Variants in SYNPR observed in about 807,000 individuals in gnomAD.
SYNPR encodes the protein synaptoporin.
A neutral mutation model predicts 32.9 loss-of-function variants in SYNPR; 23 were observed. That is an observed-to-expected ratio of 0.70 (90% confidence interval 0.50 to 0.99). The LOEUF is 0.99. SYNPR is among the 50% of genes least tolerant of loss of function. The pLI is 0.00. For missense variants in SYNPR, 318 were observed against 349.3 expected, an observed-to-expected ratio of 0.91 and a Z score of 0.71; for synonymous variants, 146 against 135.9, an observed-to-expected ratio of 1.07 and a Z score of -0.52.
the SYNPR span, chr3:63,203,068 G>GTGTGTGTATATATATATATATA: frequency 5.0e-4 from 54 of 108,488 alleles, no homozygotes; most frequent in African/African-American, 2.1e-3. Context: ...ATATGTATGT[G>GTGTGTGTATATATATATATATA]TATATATATA....
intron 4 of SYNPR, among the ~76,000 whole-genome samples, chr3:63,577,840 G>T (rs965548029): frequency 6.6e-6 from 1 of 152,114 alleles, no homozygotes; most frequent in African/African-American, 2.4e-5. Flanking sequence ...CAACTGGAAG[G>T]GTTACGTAGG....
At chr3:63,527,035 C>T (rs1702025606) in intron 3 of SYNPR, among the ~76,000 whole-genome samples, 1 of 152,080 alleles carries the variant, frequency 6.6e-6, no homozygotes, top group African/African-American at 2.4e-5. Flanking sequence ...CAGAGACAAT[C>T]AGGAAATCCT....
chr3:63,382,247 T>G (rs1390396122), intron 2 of SYNPR, among the ~76,000 whole-genome samples: 1 of 152,206 alleles, frequency 6.6e-6, no homozygotes, highest in Non-Finnish European at 1.5e-5. Context: ...GATCTTCATA[T>G]TCTCCCAGGG....
chr3:63,543,370 A>T (rs951689144), intron 3 of SYNPR, among the ~76,000 whole-genome samples: 1 of 152,124 alleles, frequency 6.6e-6, no homozygotes, highest in Admixed American at 6.6e-5. Context: ...TATTTGTAGC[A>T]TATAGTCACA....
At chr3:63,594,684 C>T (rs1353503793) in intron 4 of SYNPR, among the ~76,000 whole-genome samples, 1 of 152,140 alleles carries the variant, frequency 6.6e-6, no homozygotes, top group Non-Finnish European at 1.5e-5. Flanking sequence ...TGTAAAACTT[C>T]AATAAGTGTT....
rs182925161 is a variant in SYNPR at position 63,449,595 on chromosome 3, G to A, written c.85-31237G>A. On this transcript the variant is annotated intron_variant, in intron 2 of 5. Transcript: ENST00000478300. Reference sequence around the variant, plus strand: ...CCTGGCTGAGAACAGTACAGGAAACGCAGTAATTGCCACCACCTTTGACCA... The same window carrying A: ...CCTGGCTGAGAACAGTACAGGAAACACAGTAATTGCCACCACCTTTGACCA... Among the ~76,000 whole-genome samples, 691 of 152,210 alleles carry A rather than the reference G, an allele frequency of 4.5e-3. 6 individuals are homozygous for A. The highest frequency in any genetic ancestry group is 0.017 in the Middle Eastern group (5 of 294).
At chr3:63,334,673 A>G (rs1024480024) in intron 2 of SYNPR, among the ~76,000 whole-genome samples, 1 of 152,140 alleles carries the variant, frequency 6.6e-6, no homozygotes, top group Non-Finnish European at 1.5e-5. Flanking sequence ...CTGGAAACTT[A>G]TTGGGTATCT....
intron 1 of SYNPR, among the ~76,000 whole-genome samples, chr3:63,250,283 T>G (rs1421322048): frequency 6.6e-6 from 1 of 152,012 alleles, no homozygotes; most frequent in Admixed American, 6.6e-5. Flanking sequence ...AGTCAGTATC[T>G]CATGCATATG....
chr3:63,595,196 G>A (rs1416668275), intron 4 of SYNPR, among the ~76,000 whole-genome samples: 9 of 152,128 alleles, frequency 5.9e-5, no homozygotes, highest in Non-Finnish European at 1.2e-4. Context: ...ATCCAAAATG[G>A]AAAAGTCCTA....
At chr3:63,354,104 A>C (rs890513375) in intron 2 of SYNPR, among the ~76,000 whole-genome samples, 2 of 152,192 alleles carry the variant, frequency 1.3e-5, no homozygotes, top group African/African-American at 4.8e-5. Flanking sequence ...CATGAGCATT[A>C]ATAATAATAA....
At chr3:63,391,560 A>G (rs1360799585) in intron 2 of SYNPR, among the ~76,000 whole-genome samples, 1 of 152,226 alleles carries the variant, frequency 6.6e-6, no homozygotes, top group Non-Finnish European at 1.5e-5. Context: ...CACACACAAA[A>G]TATATACATG....
In SYNPR at chr3:63,524,854, T is replaced by TGC. The variant is rs1491400571; in HGVS notation, c.210-31688_210-31687insCG. ...GTGTGTGTGTGTGTGTGTGTGTGCA[T>TGC]GTGTGTGTGTGTGTGTGAGAGAGAG... On this transcript the variant is annotated intron_variant, in intron 3 of 5. Transcript: ENST00000478300. 5.8e-3 allele frequency among the ~76,000 whole-genome samples: 428 copies of TGC among 74,348 alleles called. 2 individuals carry two copies. Among genetic ancestry groups the TGC allele is most frequent in the African/African-American group, 0.022 (414 of 19,026 alleles). 48.8% of individuals were successfully genotyped at this position (74,348 alleles called of 152,430 possible).
At chr3:63,564,992 T>C (rs373342426) in intron 4 of SYNPR, among the ~76,000 whole-genome samples, 7 of 152,310 alleles carry the variant, frequency 4.6e-5, no homozygotes, top group African/African-American at 1.7e-4. Context: ...TCCACGTTTG[T>C]CACATTTCCT....
chr3:63,560,728 C>G (rs1480912215), intron 4 of SYNPR, among the ~76,000 whole-genome samples: 1 of 152,118 alleles, frequency 6.6e-6, no homozygotes, highest in East Asian at 1.9e-4. Context: ...AAGAAGTGAG[C>G]AAGTGAGGAA....
intron 2 of SYNPR, chr3:63,423,823 T>A (rs1266963173): frequency 6.6e-6 from 1 of 152,262 alleles, no homozygotes; most frequent in Non-Finnish European, 1.5e-5. Flanking sequence ...CAGTTTGGGC[T>A]GGTTTGGCAG....
At chr3:63,256,320 A>G (rs952573042) in intron 2 of SYNPR, among the ~76,000 whole-genome samples, 4 of 152,170 alleles carry the variant, frequency 2.6e-5, no homozygotes, top group African/African-American at 4.8e-5. Flanking sequence ...GGCACCCCCC[A>G]GTAGGGGCAG....
intron 4 of SYNPR, among the ~76,000 whole-genome samples, chr3:63,558,662 A>G (rs1490048829): frequency 6.6e-6 from 1 of 152,148 alleles, no homozygotes; most frequent in Non-Finnish European, 1.5e-5. Flanking sequence ...ATAATTACAT[A>G]TTAAGTTTAT....
At position 63,299,155 on chromosome 3, in the gene SYNPR, C is replaced by A. The variant is rs114307895; in HGVS notation, c.84+20413C>A. On this transcript the variant is annotated intron_variant, in intron 2 of 5. Coordinates refer to ENST00000478300, the MANE Select transcript of SYNPR (RefSeq NM_001130003.2). ...AGAAGCAATAATCAGCTCAAAATAG[C>A]TTAGGAAAAGAAAGGATATATTGGA... is the stretch of plus-strand genomic sequence containing the variant. Among the ~76,000 whole-genome samples the A allele has an allele frequency of 8.3e-3, 1,263 of 152,050 alleles. 22 individuals carry two copies. Among genetic ancestry groups the A allele is most frequent in the African/African-American group, 0.028 (1,142 of 41,460 alleles).
At chr3:63,490,553 T>C (rs969573786) in intron 3 of SYNPR, among the ~76,000 whole-genome samples, 11 of 151,822 alleles carry the variant, frequency 7.2e-5, no homozygotes, top group Non-Finnish European at 1.2e-4. Flanking sequence ...AGGGAAGGCA[T>C]GGTATATAGC....
Sources: allele counts gnomAD v4.1 joint callset (sites outside exome capture counted in the v4.1 genomes callset), GRCh38; gene constraint gnomAD v4.1.1; transcripts MANE v1.5; gene names NCBI Gene and HGNC (gene_info 2026-07-23, HGNC 2026-07-21).